CYREN: variants seen among roughly 807,000 people sequenced by gnomAD.
CYREN encodes the protein cell cycle regulator of NHEJ, also known as cell cycle regulator of non-homologous end joining.
A neutral mutation model predicts 9.7 loss-of-function variants in CYREN; 7 were observed. The observed-to-expected ratio is 0.72, with a 90% CI of 0.41 to 1.36. CYREN has a LOEUF of 1.36. CYREN is among the 40% of genes most tolerant of loss of function. CYREN has a pLI of 0.01. For synonymous variants in CYREN, 76 were observed against 77.9 expected, an observed-to-expected ratio of 0.98 and a Z score of 0.13; for missense variants, 215 against 198.1, an observed-to-expected ratio of 1.09 and a Z score of -0.51.
upstream of CYREN, among the ~76,000 whole-genome samples, chr7:135,171,994 C>T (rs908919724): frequency 6.6e-6 from 1 of 152,246 alleles, no homozygotes; most frequent in African/African-American, 2.4e-5. Context: ...TTGGAACTTG[C>T]CCCACTCCAT....
chr7:135,096,540 A>AAAAG lies in CYREN; in HGVS notation n.357-1962_357-1959dup, dbSNP rs58038162. 6.2e-5 allele frequency among the ~76,000 whole-genome samples: 4 copies of AAAAG among 64,442 alleles called. 1 individual carries two copies. The highest frequency in any genetic ancestry group is 1.2e-3 in the South Asian group (2 of 1,648). The allele number at this position is 64,442 out of a possible 152,430, so 42.3% of individuals were successfully genotyped here. On this transcript the variant is annotated intron_variant and non_coding_transcript_variant, in intron 2 of 2. Coordinates refer to the CYREN transcript ENST00000459937. ...AGAAAAAGAGAAAAAAACAAAAAGA[A>AAAAG]AAAGAAAGAAAGAAAGAAAGATAGA... is the stretch of plus-strand genomic sequence containing the variant.
intron 2 of CYREN, among the ~76,000 whole-genome samples, chr7:135,096,217 C>A (rs1822664617): frequency 6.6e-6 from 1 of 151,904 alleles, no homozygotes; most frequent in Non-Finnish European, 1.5e-5. Flanking sequence ...TGAGATAGCA[C>A]TAACTTAATT....
chr7:135,098,873 A>C (rs1647389305), intron 2 of CYREN, among the ~76,000 whole-genome samples: 1 of 152,230 alleles, frequency 6.6e-6, no homozygotes, highest in African/African-American at 2.4e-5. Flanking sequence ...TAACCTAAGA[A>C]TATACAATAA....
downstream of CYREN, among the ~76,000 whole-genome samples, chr7:135,162,528 G>A (rs989873564): frequency 6.6e-6 from 1 of 152,230 alleles, no homozygotes; most frequent in Non-Finnish European, 1.5e-5. Context: ...TCACAATCAT[G>A]GTGAAAGGCA....
chr7:135,119,354 C>T (rs773154819), intron 2 of CYREN, among the ~76,000 whole-genome samples: 7 of 150,468 alleles, frequency 4.7e-5, no homozygotes, highest in East Asian at 2.0e-4. Flanking sequence ...CTCAGCCTTC[C>T]GAGTAGCTGG....
At chr7:135,146,851 G>A (rs993479808) in intron 2 of CYREN, among the ~76,000 whole-genome samples, 9 of 152,152 alleles carry the variant, frequency 5.9e-5, no homozygotes, top group Non-Finnish European at 1.2e-4. Context: ...GCCGATTTTC[G>A]TAAGTTTTGA....
intron 2 of CYREN, chr7:135,128,732 G>C (rs1585283122): frequency 9.4e-6 from 13 of 1,384,522 alleles, no homozygotes; most frequent in African/African-American, 1.4e-5. Flanking sequence ...AAAGTGCAGA[G>C]AAGGACAGCT....
chr7:135,146,376 T>C (rs904227768), intron 2 of CYREN, among the ~76,000 whole-genome samples: 2 of 151,866 alleles, frequency 1.3e-5, no homozygotes, highest in African/African-American at 2.4e-5. Context: ...ATAATAATAA[T>C]GAAAAAGCTT....
upstream of CYREN, chr7:135,170,919 G>T (rs1322078694): frequency 6.6e-6 from 1 of 152,256 alleles, no homozygotes; most frequent in Non-Finnish European, 1.5e-5. Flanking sequence ...CTGCGCGCTG[G>T]GAACGCCAGC....
At chr7:135,165,085 G>A (rs181583668), downstream of CYREN, 79 of 1,452,922 alleles carry the variant, frequency 5.4e-5, no homozygotes, top group African/African-American at 8.8e-4. Context: ...AGCTAACGCT[G>A]ATCTCCAGCT....
chr7:135,128,725 G>A (rs1466108697), intron 2 of CYREN: 1 of 1,379,856 alleles, frequency 7.2e-7, no homozygotes, highest in Non-Finnish European at 1.0e-6. Context: ...CAGAAAAAAA[G>A]TGCAGAGAAG....
At chr7:135,168,583 G>C (rs752540862) in intron 2 of CYREN, 32 of 683,746 alleles carry the variant, frequency 4.7e-5, no homozygotes, top group Non-Finnish European at 6.9e-5. Flanking sequence ...TGCAGAGGCA[G>C]AAGTGGGTGC....
chr7:135,094,558 A>G (rs1045384907), exon 3 of CYREN: 3 of 456,414 alleles, frequency 6.6e-6, no homozygotes, highest in African/African-American at 6.0e-5. Context: ...GTTCTCATAG[A>G]GCCAAGAAAG....
In CYREN at chr7:135,166,834, A is replaced by C. The variant is rs1830182314; in HGVS notation, c.251T>G (p.Leu84Arg). Residue 84 changes from leucine (L) to arginine (R), a missense_variant, in exon 4 of 4, where the codon CTG (leucine) becomes CGG (arginine). Coordinates refer to ENST00000393114, the MANE Select transcript of CYREN (RefSeq NM_024033.4). ...KQEKACEQPA[L>R]AGADNPEHSP... ...GTGCTCTGGGTTATCAGCCCCCGCC[A>C]GGGCCGGCTGCTCGCAGGCCTTTTC... The C allele has an allele frequency of 6.2e-7, 1 of 1,614,006 alleles. No individual in the cohort carries two copies. The highest frequency in any genetic ancestry group is 1.3e-5 in the African/African-American group (1 of 74,938).
chr7:135,164,871 C>A (rs766237152), downstream of CYREN: 7 of 1,614,186 alleles, frequency 4.3e-6, no homozygotes, highest in Non-Finnish European at 5.9e-6. Context: ...GTGGGTCAGG[C>A]TCTCCCTCCC....
chr7:135,167,591 G>A (rs531965387), intron 3 of CYREN, 141 bp downstream of exon 3: 46 of 1,467,944 alleles, frequency 3.1e-5, no homozygotes, highest in Admixed American at 1.3e-4. Flanking sequence ...CAGCATGGCC[G>A]AGATAAGAGC....
chr7:135,129,877 T>G (rs1828483263), intron 2 of CYREN, among the ~76,000 whole-genome samples: 1 of 152,158 alleles, frequency 6.6e-6, no homozygotes, highest in African/African-American at 2.4e-5. Flanking sequence ...CATTTTTTAA[T>G]GCAAGTTGAG....
chr7:135,165,428 G>A (rs201950860), downstream of CYREN: 15 of 178,934 alleles, frequency 8.4e-5, no homozygotes, highest in East Asian at 1.2e-3. Flanking sequence ...TTAAAAGAGC[G>A]AGCACCTCAG....
chr7:135,164,762 C>A (rs1479190259), downstream of CYREN: 1 of 1,614,226 alleles, frequency 6.2e-7, no homozygotes, highest in Admixed American at 1.7e-5. Flanking sequence ...CCCAGTGCAA[C>A]AGTGATGAGA....
Sources: allele counts gnomAD v4.1 joint callset (sites outside exome capture counted in the v4.1 genomes callset), GRCh38; gene constraint gnomAD v4.1.1; transcripts MANE v1.5; gene names NCBI Gene and HGNC (gene_info 2026-07-23, HGNC 2026-07-21).